Variants in SPATS2 observed in about 807,000 individuals in gnomAD.
The protein encoded by SPATS2 is spermatogenesis associated serine rich 2.
In SPATS2, 38 loss-of-function variants were observed where a neutral mutation model predicts 63.7. The observed-to-expected ratio is 0.60, with a 90% CI of 0.46 to 0.78. The LOEUF (loss-of-function observed/expected upper bound fraction) is 0.78. SPATS2 is among the 30% of genes least tolerant of loss of function. The probability of loss-of-function intolerance (pLI) is 0.00; values close to 1 mark genes in which losing one functional copy is unlikely to be tolerated. For synonymous variants in SPATS2, 207 were observed against 232.9 expected (o/e 0.89, Z 1.01); for missense variants, 588 against 666.2 (o/e 0.88, Z 1.29).
intron 2 of SPATS2, among the ~76,000 whole-genome samples, chr12:49,435,844 C>G (rs534047790): frequency 1.1e-3 from 160 of 150,484 alleles, no homozygotes; most frequent in African/African-American, 3.7e-3. Context: ...GGTGATGACT[C>G]TTAACGAGCA....
chr12:49,520,186 G>A (rs112025909), intron 11 of SPATS2, among the ~76,000 whole-genome samples: 2,581 of 151,798 alleles, frequency 0.017, 41 homozygotes, highest in Middle Eastern at 0.031. Flanking sequence ...CTCCATGTTG[G>A]TCAGGCTGGT....
chr12:49,446,455 T>C (rs766491495), intron 2 of SPATS2, among the ~76,000 whole-genome samples: 4 of 152,218 alleles, frequency 2.6e-5, no homozygotes, highest in Non-Finnish European at 5.9e-5. Context: ...ATTTTCAGGC[T>C]CACTCAGGCT....
intron 2 of SPATS2, among the ~76,000 whole-genome samples, chr12:49,390,685 G>A (rs1370125314): frequency 6.6e-6 from 1 of 151,996 alleles, no homozygotes; most frequent in East Asian, 1.9e-4. Flanking sequence ...AGTTTTAAAG[G>A]CTATAGGAAT....
At chr12:49,437,460 T>C (rs1945333537) in intron 2 of SPATS2, among the ~76,000 whole-genome samples, 1 of 152,100 alleles carries the variant, frequency 6.6e-6, no homozygotes, top group Non-Finnish European at 1.5e-5. Context: ...CTCAGCACTT[T>C]GGGGGGCCAA....
In SPATS2 at chr12:49,420,467, AC is replaced by A. The variant is rs551705805; in HGVS notation, c.-243-40301del. Among the ~76,000 whole-genome samples, 247 of 152,238 alleles carry A rather than the reference AC, an allele frequency of 1.6e-3. No individual in the cohort carries two copies. In the Middle Eastern group the frequency reaches 0.017, roughly 10 times the overall value. On this transcript the variant is annotated intron_variant, in intron 2 of 13. Transcript: ENST00000552918. Reference sequence around the variant, plus strand: ...AAATTAGCCAGGCATGGTGGCATGCACCTGTAGTCTCAGCTACTTGGGAGGC... The same window carrying A: ...AAATTAGCCAGGCATGGTGGCATGCACTGTAGTCTCAGCTACTTGGGAGGC...
chr12:49,512,835 C>T (rs1026841247), intron 9 of SPATS2: 1 of 1,287,534 alleles, frequency 7.8e-7, no homozygotes, highest in Non-Finnish European at 1.0e-6. Flanking sequence ...GCTCCTGTCT[C>T]AGTTGTGCTT....
At chr12:49,368,052 G>A (rs1943932948) in intron 1 of SPATS2, among the ~76,000 whole-genome samples, 3 of 152,150 alleles carry the variant, frequency 2.0e-5, no homozygotes, top group Non-Finnish European at 1.5e-5. Flanking sequence ...GGGCGTTCTT[G>A]GAATTGAAGG....
chr12:49,437,047 G>A (rs1240240436), intron 2 of SPATS2, among the ~76,000 whole-genome samples: 5 of 152,038 alleles, frequency 3.3e-5, no homozygotes, highest in Non-Finnish European at 7.4e-5. Flanking sequence ...TGGCTGCCGG[G>A]TGGAGACGCT....
intron 2 of SPATS2, among the ~76,000 whole-genome samples, chr12:49,401,121 C>G (rs996506322): frequency 6.6e-6 from 1 of 152,080 alleles, no homozygotes; most frequent in Non-Finnish European, 1.5e-5. Flanking sequence ...AGCTGTCCTC[C>G]TGTCTCACCC....
At chr12:49,509,598 C>T (rs1946714582) in intron 9 of SPATS2, among the ~76,000 whole-genome samples, 1 of 151,950 alleles carries the variant, frequency 6.6e-6, no homozygotes, top group South Asian at 2.1e-4. Flanking sequence ...GGGTGGATTG[C>T]TTGAGGTCAG....
chr12:49,479,133 G>C lies in SPATS2; in HGVS notation c.26-5457G>C, dbSNP rs952239372. Among the ~76,000 whole-genome samples the C allele has an allele frequency of 2.6e-5, 4 of 152,204 alleles. No homozygotes were observed. The East Asian group carries it at 7.7e-4, about 29-fold the overall frequency. On this transcript the variant is annotated intron_variant, in intron 3 of 13. Coordinates refer to ENST00000552918, the MANE Select transcript of SPATS2 (RefSeq NM_023071.4). ...CCCCTGCCCAGCTCTGGCTGAGCCTGGGGCTTTTGTCGACCTTAGAGGGGA... is the reference window on the plus strand; with the variant it reads ...CCCCTGCCCAGCTCTGGCTGAGCCTCGGGCTTTTGTCGACCTTAGAGGGGA...
At chr12:49,486,388 G>A (rs1283054944) in intron 4 of SPATS2, 1 of 305,152 alleles carries the variant, frequency 3.3e-6, no homozygotes, top group Non-Finnish European at 6.5e-6. Context: ...TATATTTTTA[G>A]TAGAGAGGGT....
chr12:49,479,903 T>C (rs1318863215), intron 3 of SPATS2, among the ~76,000 whole-genome samples: 1 of 152,206 alleles, frequency 6.6e-6, no homozygotes, highest in Non-Finnish European at 1.5e-5. Context: ...GCATAAAACC[T>C]GGACTGCCTT....
rs112042260 is a variant in SPATS2, at chr12:49,428,670, C to T, written c.-243-32100C>T. Among the ~76,000 whole-genome samples, 376 of 152,216 alleles carry T rather than the reference C, an allele frequency of 2.5e-3. 2 individuals are homozygous for T. Among genetic ancestry groups the T allele is most frequent in the African/African-American group, 8.6e-3 (359 of 41,536 alleles). ...TAATTTTTTATCATCAGTATTGGCACATAGTAGGTTTATGTTAAATAACAG... is the reference window on the plus strand; with the variant it reads ...TAATTTTTTATCATCAGTATTGGCATATAGTAGGTTTATGTTAAATAACAG... On this transcript the variant is annotated intron_variant, in intron 2 of 13. Transcript: ENST00000552918.
intron 3 of SPATS2, among the ~76,000 whole-genome samples, chr12:49,467,972 A>G (rs926881303): frequency 2.0e-5 from 3 of 151,530 alleles, no homozygotes; most frequent in South Asian, 2.1e-4. Context: ...TGACCTCGTG[A>G]TCCACCCGCC....
At position 49,519,081 on chromosome 12, in the gene SPATS2, T is replaced by G. The variant is rs775212046; in HGVS notation, c.907T>G (p.Leu303Val). The change falls in exon 11 of 14, where the codon TTG becomes GTG. Residue 303 changes from leucine (L) to valine (V), a missense_variant. Leu to Val is a conservative substitution (Grantham distance 32). Transcript: ENST00000552918. The part of the protein sequence containing the change: ...DKVKAEAMEI[L>V]LSRQKKAELL... ...TCACTTTTCCTCTACAGTGGAAATT[T>G]TGCTCAGCCGACAAAAGAAGGCTGA... The G allele has an allele frequency of 6.2e-7, 1 of 1,613,636 alleles. No homozygotes were observed. The highest frequency in any genetic ancestry group is 1.7e-5 in the Admixed American group (1 of 59,936).
At chr12:49,465,495 T>A (rs1291536660) in intron 3 of SPATS2, among the ~76,000 whole-genome samples, 1 of 152,226 alleles carries the variant, frequency 6.6e-6, no homozygotes, top group Non-Finnish European at 1.5e-5. Flanking sequence ...ATTTATATTT[T>A]TTTTGGTGAA....
chr12:49,394,059 T>G (rs1209633478), intron 2 of SPATS2, among the ~76,000 whole-genome samples: 1 of 152,096 alleles, frequency 6.6e-6, no homozygotes, highest in Non-Finnish European at 1.5e-5. Flanking sequence ...TTAGAACTAG[T>G]TTGCTGGGCT....
At chr12:49,466,121 C>T (rs938310551) in intron 3 of SPATS2, among the ~76,000 whole-genome samples, 1 of 150,490 alleles carries the variant, frequency 6.6e-6, no homozygotes, top group Non-Finnish European at 1.5e-5. Context: ...AGTTTTATCT[C>T]ATATATTTTA....
Sources: gnomAD v4.1 joint callset for allele counts (sites outside exome capture counted in the v4.1 genomes callset) on GRCh38, gnomAD v4.1.1 for gene constraint, MANE v1.5 for transcripts, NCBI Gene and HGNC (gene_info 2026-07-23, HGNC 2026-07-21) for gene names.